Variants in VPS8 observed in about 807,000 individuals in gnomAD.
VPS8 encodes the protein vacuolar protein sorting-associated protein 8 homolog.
In VPS8, 129 loss-of-function variants were observed where a neutral mutation model predicts 216.4. That is an observed-to-expected ratio of 0.60 (90% confidence interval 0.52 to 0.69). VPS8 has a LOEUF of 0.69. VPS8 is among the 30% of genes least tolerant of loss of function. The probability of loss-of-function intolerance (pLI) is 0.00; values close to 1 mark genes in which losing one functional copy is unlikely to be tolerated. For synonymous variants in VPS8, 571 were observed against 565.4 expected, an observed-to-expected ratio of 1.01 and a Z score of -0.14; for missense variants, 1,531 against 1,683.5, an observed-to-expected ratio of 0.91 and a Z score of 1.59.
intron 36 of VPS8, chr3:184,944,364 TG>T (rs2109352054): frequency 3.9e-6 from 1 of 255,104 alleles, no homozygotes; most frequent in South Asian, 1.5e-4. Flanking sequence ...AGAGAGGATT[TG>T]CATCCTCTTC....
At chr3:185,020,870 C>T (rs998188629) in intron 45 of VPS8, among the ~76,000 whole-genome samples, 17 of 152,086 alleles carry the variant, frequency 1.1e-4, no homozygotes, top group African/African-American at 3.6e-4. Context: ...GTCAGGAGTT[C>T]GACACCAGCT....
intron 45 of VPS8, among the ~76,000 whole-genome samples, chr3:185,022,887 T>TCCA (rs1331691284): frequency 6.6e-6 from 1 of 152,202 alleles, no homozygotes; most frequent in Non-Finnish European, 1.5e-5. Context: ...GAAATTTGGA[T>TCCA]CCTTTATTTT....
chr3:184,846,136 G>T (rs1037416444), intron 8 of VPS8, among the ~76,000 whole-genome samples: 1 of 152,170 alleles, frequency 6.6e-6, no homozygotes, highest in Non-Finnish European at 1.5e-5. Flanking sequence ...TGGGGTAGGG[G>T]TGGAATTAAA....
chr3:184,990,021 C>T (rs928915888), intron 42 of VPS8, among the ~76,000 whole-genome samples: 5 of 151,796 alleles, frequency 3.3e-5, no homozygotes, highest in African/African-American at 1.2e-4. Context: ...TGCAGCGAGC[C>T]GAGACCACGC....
chr3:184,906,911 A>G (rs79986058), intron 25 of VPS8, among the ~76,000 whole-genome samples: 1,613 of 152,298 alleles, frequency 0.011, 27 homozygotes, highest in African/African-American at 0.031. Context: ...GGTAGATCAC[A>G]TAATATCAGA....
intron 10 of VPS8, among the ~76,000 whole-genome samples, chr3:184,850,420 G>A (rs1202508248): frequency 6.6e-6 from 1 of 152,196 alleles, no homozygotes; most frequent in Non-Finnish European, 1.5e-5. Context: ...TATTGCTGAG[G>A]TGGTGTGCTC....
At chr3:184,936,383 AATT>A in intron 35 of VPS8, 48 bp downstream of exon 35, 1 of 1,454,870 alleles carries the variant, frequency 6.9e-7, no homozygotes, top group East Asian at 2.4e-5. Context: ...GTGGAAAGAC[AATT>A]ATTAAATCGT....
chr3:184,823,827 A>G (rs780949715), intron 1 of VPS8, among the ~76,000 whole-genome samples: 1 of 152,214 alleles, frequency 6.6e-6, no homozygotes, highest in African/African-American at 2.4e-5. Context: ...GATTTTTGAT[A>G]TAAGTGTGAT....
At chr3:185,047,761 G>A (rs1713263076) in intron 46 of VPS8, among the ~76,000 whole-genome samples, 1 of 152,174 alleles carries the variant, frequency 6.6e-6, no homozygotes, top group Admixed American at 6.5e-5. Flanking sequence ...GAGGCTTAGA[G>A]AAGTGAGGTG....
chr3:184,832,308 T>A (rs1052471584), intron 3 of VPS8, among the ~76,000 whole-genome samples: 3 of 152,214 alleles, frequency 2.0e-5, no homozygotes, highest in Non-Finnish European at 4.4e-5. Flanking sequence ...CTTGTCATTT[T>A]TTTTTATAGT....
intron 40 of VPS8, among the ~76,000 whole-genome samples, chr3:184,973,728 C>T (rs959250490): frequency 6.6e-6 from 1 of 152,102 alleles, no homozygotes; most frequent in Non-Finnish European, 1.5e-5. Context: ...TTTCTGGTAA[C>T]CATTCTACTC....
intron 25 of VPS8, among the ~76,000 whole-genome samples, chr3:184,910,695 C>T (rs1736353174): frequency 6.6e-6 from 1 of 152,118 alleles, no homozygotes; most frequent in African/African-American, 2.4e-5. Flanking sequence ...GTTCCCTGAC[C>T]TCACTTTTCT....
intron 1 of VPS8, among the ~76,000 whole-genome samples, chr3:184,823,032 G>T (rs759966165): frequency 6.6e-6 from 1 of 152,118 alleles, no homozygotes; most frequent in Non-Finnish European, 1.5e-5. Flanking sequence ...CTCTTGAAAA[G>T]TCAGTTTCAT....
chr3:184,826,768 T>C (rs1560277689), intron 3 of VPS8, among the ~76,000 whole-genome samples: 1 of 151,910 alleles, frequency 6.6e-6, no homozygotes, highest in Non-Finnish European at 1.5e-5. Context: ...TGCAACCTTA[T>C]AATAAGCTTC....
chr3:184,882,312 A>G (rs1227930341), intron 21 of VPS8: 3 of 437,314 alleles, frequency 6.9e-6, no homozygotes, highest in East Asian at 1.4e-4. Context: ...TGCTTTTTCT[A>G]TGTAATTAAT....
At chr3:184,849,283 T>C in intron 9 of VPS8, 88 bp downstream of exon 9, 5 of 1,457,390 alleles carry the variant, frequency 3.4e-6, no homozygotes, top group South Asian at 1.3e-5. Context: ...AAGACCAAAA[T>C]ACGTGTTATG....
intron 4 of VPS8, 113 bp from the exon 5 acceptor site, chr3:184,834,536 C>T (rs1720665190): frequency 1.3e-6 from 1 of 759,904 alleles, no homozygotes; most frequent in Non-Finnish European, 2.0e-6. Flanking sequence ...TAACAAATTA[C>T]ATACAATGTT....
chr3:184,879,485 C>T (rs1729896361), intron 21 of VPS8, among the ~76,000 whole-genome samples: 1 of 151,998 alleles, frequency 6.6e-6, no homozygotes, highest in Non-Finnish European at 1.5e-5. Flanking sequence ...CTCGAAAGCC[C>T]TTAATCTGTC....
chr3:184,814,961 A>T (rs535938660), intron 1 of VPS8, among the ~76,000 whole-genome samples: 1 of 152,194 alleles, frequency 6.6e-6, no homozygotes, highest in Non-Finnish European at 1.5e-5. Context: ...TATTTTCTTT[A>T]TATCCTTATT....
Sources: allele counts gnomAD v4.1 joint callset (sites outside exome capture counted in the v4.1 genomes callset), GRCh38; gene constraint gnomAD v4.1.1; transcripts MANE v1.5; gene names NCBI Gene and HGNC (gene_info 2026-07-23, HGNC 2026-07-21).